XRCC4: variants seen among roughly 807,000 people sequenced by gnomAD.
XRCC4 encodes the protein X-ray repair cross complementing 4, also known as DNA repair protein XRCC4.
In XRCC4, 28 loss-of-function variants were observed where a neutral mutation model predicts 39.1. The observed-to-expected ratio is 0.72, with a 90% CI of 0.53 to 0.98. The LOEUF (loss-of-function observed/expected upper bound fraction) is 0.98, where lower values mean the gene tolerates loss of function less well. XRCC4 is among the 50% of genes least tolerant of loss of function. The pLI, the probability that XRCC4 is intolerant of heterozygous loss-of-function variation, is 0.00. For missense variants in XRCC4, 350 were observed against 376.4 expected, an observed-to-expected ratio of 0.93 and a Z score of 0.58; for synonymous variants, 123 against 126.4, an observed-to-expected ratio of 0.97 and a Z score of 0.18.
At chr5:83,333,297 A>G (rs934368251) in intron 7 of XRCC4, among the ~76,000 whole-genome samples, 4 of 152,160 alleles carry the variant, frequency 2.6e-5, no homozygotes, top group African/African-American at 9.7e-5. Flanking sequence ...TGTATTCTCA[A>G]ATTAAAATGT....
intron 7 of XRCC4, among the ~76,000 whole-genome samples, chr5:83,264,513 TTTTA>T (rs1417605599): frequency 1.3e-5 from 2 of 152,138 alleles, no homozygotes; most frequent in African/African-American, 4.8e-5. Context: ...ATGAACTTTA[TTTTA>T]TTTGTTTCCC....
chr5:83,295,071 G>T (rs1346770002), intron 7 of XRCC4, among the ~76,000 whole-genome samples: 1 of 152,026 alleles, frequency 6.6e-6, no homozygotes, highest in Non-Finnish European at 1.5e-5. Context: ...TGAGGAGTTT[G>T]CAGACTCTTC....
At chr5:83,147,928 C>T (rs1748536817) in intron 3 of XRCC4, among the ~76,000 whole-genome samples, 1 of 151,838 alleles carries the variant, frequency 6.6e-6, no homozygotes, top group Non-Finnish European at 1.5e-5. Context: ...GCTGGGATTA[C>T]AGACACATGC....
At chr5:83,096,501 C>T (rs548573930) in intron 1 of XRCC4, among the ~76,000 whole-genome samples, 32 of 152,216 alleles carry the variant, frequency 2.1e-4, no homozygotes, top group Non-Finnish European at 4.4e-4. Flanking sequence ...AGGATTATTT[C>T]TGTGTTTGAA....
At chr5:83,308,061 A>G (rs958535) in intron 7 of XRCC4, among the ~76,000 whole-genome samples, 8,556 of 152,236 alleles carry the variant, frequency 0.056, 922 homozygotes, top group East Asian at 0.49. Context: ...TGGAGGACCA[A>G]GAAAAAGTTG....
At chr5:83,102,772 T>G (rs1355369844) in intron 1 of XRCC4, among the ~76,000 whole-genome samples, 1 of 152,020 alleles carries the variant, frequency 6.6e-6, no homozygotes, top group African/African-American at 2.4e-5. Flanking sequence ...GGTCCAACCC[T>G]GTTTCTTTAT....
At chr5:83,218,361 A>G (rs1000662937) in intron 6 of XRCC4, among the ~76,000 whole-genome samples, 1 of 151,894 alleles carries the variant, frequency 6.6e-6, no homozygotes, top group Non-Finnish European at 1.5e-5. Context: ...CCTGCAACCT[A>G]TGTGAGAAAT....
chr5:83,177,778 G>A (rs1750025822), intron 3 of XRCC4, among the ~76,000 whole-genome samples: 1 of 152,178 alleles, frequency 6.6e-6, no homozygotes, highest in South Asian at 2.1e-4. Context: ...GTAGTTGTGA[G>A]AGATAAAGCT....
At chr5:83,185,123 A>G (rs1750377959) in intron 3 of XRCC4, among the ~76,000 whole-genome samples, 1 of 152,054 alleles carries the variant, frequency 6.6e-6, no homozygotes, top group South Asian at 2.1e-4. Context: ...ACTTACATTT[A>G]TATTTCTACT....
At chr5:83,095,965 C>T (rs12109514) in intron 1 of XRCC4, among the ~76,000 whole-genome samples, 73,563 of 151,384 alleles carry the variant, frequency 0.49, 18,584 homozygotes, top group African/African-American at 0.62. Context: ...CAGACACACC[C>T]GTTGCAGTGG....
chr5:83,344,415 C>CTTTTT (rs70973394), intron 7 of XRCC4, among the ~76,000 whole-genome samples: 118 of 115,220 alleles, frequency 1.0e-3, no homozygotes, highest in African/African-American at 2.8e-3. Context: ...TTATTTTTCA[C>CTTTTT]TTTTTTTTTT....
intron 2 of XRCC4, among the ~76,000 whole-genome samples, chr5:83,108,017 A>G (rs1315839472): frequency 6.6e-6 from 1 of 151,934 alleles, no homozygotes; most frequent in Non-Finnish European, 1.5e-5. Flanking sequence ...CCTCACTTAC[A>G]TCTTCATCTA....
At chr5:83,236,704 T>A (rs1440575375) in intron 6 of XRCC4, among the ~76,000 whole-genome samples, 2 of 151,360 alleles carry the variant, frequency 1.3e-5, no homozygotes, top group African/African-American at 4.9e-5. Context: ...ACAGTAAAAA[T>A]GGACAAATGG....
chr5:83,360,705 GAAC>G, the XRCC4 span, among the ~76,000 whole-genome samples: 25 of 151,964 alleles, frequency 1.6e-4, no homozygotes, highest in Non-Finnish European at 2.9e-4. Context: ...TTACAGAGCA[GAAC>G]AGAACCTGAT....
intron 7 of XRCC4, among the ~76,000 whole-genome samples, chr5:83,294,694 G>C (rs1755035072): frequency 6.6e-6 from 1 of 151,904 alleles, no homozygotes; most frequent in South Asian, 2.1e-4. Flanking sequence ...AACTAACATA[G>C]TTATGGTTAA....
chr5:83,246,782 G>C (rs1301994124), intron 6 of XRCC4, among the ~76,000 whole-genome samples: 2 of 152,058 alleles, frequency 1.3e-5, no homozygotes, highest in Admixed American at 6.6e-5. Context: ...GTAACAGTTT[G>C]TGCATTTTAA....
intron 7 of XRCC4, among the ~76,000 whole-genome samples, chr5:83,309,296 A>AATATATATATATATATATATATATATAT (rs1225850304): frequency 6.9e-5 from 5 of 72,230 alleles, no homozygotes; most frequent in African/African-American, 8.5e-5. Context: ...AAAAAAAAAA[A>AATATATATATATATATATATATATATAT]ATATATATAT....
intron 3 of XRCC4, among the ~76,000 whole-genome samples, chr5:83,139,684 G>A (rs1423213207): frequency 6.6e-6 from 1 of 152,176 alleles, no homozygotes; most frequent in African/African-American, 2.4e-5. Flanking sequence ...TATATAGTAT[G>A]TATAGCCTGT....
chr5:83,342,989 T>C (rs1398989390), intron 7 of XRCC4, among the ~76,000 whole-genome samples: 1 of 152,138 alleles, frequency 6.6e-6, no homozygotes, highest in Admixed American at 6.6e-5. Flanking sequence ...GTACCTGATA[T>C]TTTGATTTGG....
Sources: allele counts gnomAD v4.1 joint callset (sites outside exome capture counted in the v4.1 genomes callset), GRCh38; gene constraint gnomAD v4.1.1; transcripts MANE v1.5; gene names NCBI Gene and HGNC (gene_info 2026-07-23, HGNC 2026-07-21).